RGPD8: variants seen among roughly 807,000 people sequenced by gnomAD.
RGPD8 encodes the protein RANBP2 like and GRIP domain containing 8, also known as RANBP2-like and GRIP domain-containing protein 8.
A neutral mutation model predicts 89.1 loss-of-function variants in RGPD8; 15 were observed. The ratio of observed to expected loss-of-function variants is 0.17; its 90% CI spans 0.11 to 0.26. RGPD8 has a LOEUF of 0.26. RGPD8 is among the 10% of genes least tolerant of loss of function. The probability of loss-of-function intolerance (pLI) is 1.00; values close to 1 mark genes in which losing one functional copy is unlikely to be tolerated. For missense variants in RGPD8, 178 were observed against 1,179.6 expected (o/e 0.15, Z 12.44); for synonymous variants, 62 against 420.9 (o/e 0.15, Z 10.44).
Position 112,413,648 on chromosome 2 carries a change from C to G in RGPD8, c.783-1022G>C, listed in dbSNP as rs1349357448. Among the ~76,000 whole-genome samples the G allele has an allele frequency of 5.1e-5, 7 of 138,054 alleles. 2 individuals are homozygous for G. The highest frequency in any genetic ancestry group is 2.0e-4 in the African/African-American group (7 of 34,460). 90.6% of individuals were successfully genotyped at this position (138,054 alleles called of 152,430 possible). ...TGAAGTTAAAATTACTTTTACAATA[C>G]CAAAAAAAATTTATATATTACATAC... On this transcript the variant is annotated intron_variant, in intron 6 of 22. Coordinates refer to ENST00000302558, the MANE Select transcript of RGPD8 (RefSeq NM_001164463.1).
intron 22 of RGPD8, among the ~76,000 whole-genome samples, chr2:112,372,955 C>G (rs144220082): frequency 2.2e-5 from 3 of 133,586 alleles, no homozygotes; most frequent in Non-Finnish European, 4.6e-5. Flanking sequence ...TTTTAGACCT[C>G]TGTGTATGTA....
Position 112,433,239 on chromosome 2 carries a change from G to A in RGPD8, c.72+143C>T, listed in dbSNP as rs1574032306. The A allele has an allele frequency of 1.0e-5, 10 of 962,134 alleles. 1 individual carries two copies. In the South Asian group the frequency reaches 1.5e-4, roughly 15 times the overall value. The allele number at this position is 962,134 out of a possible 1,614,324, so 59.6% of individuals were successfully genotyped here. ...GAGGCCGCCGCCGGGCCGGGTGGAGGCCGCCGCCTCAACAGAGCGCGCCAG... is the reference window on the plus strand; with the variant it reads ...GAGGCCGCCGCCGGGCCGGGTGGAGACCGCCGCCTCAACAGAGCGCGCCAG... On this transcript the variant is annotated intron_variant, in intron 1 of 22. Coordinates refer to ENST00000302558, the MANE Select transcript of RGPD8 (RefSeq NM_001164463.1).
chr2:112,429,602 G>A (rs1401115490), intron 1 of RGPD8, among the ~76,000 whole-genome samples: 2 of 151,978 alleles, frequency 1.3e-5, no homozygotes, highest in Non-Finnish European at 2.9e-5. Context: ...GGAAACAGAG[G>A]TAGGAGGATC....
rs770851673 is a variant in RGPD8 at position 112,422,633 on chromosome 2, T to C, written c.167A>G (p.Gln56Arg). Residue 56 changes from glutamine to arginine, a missense_variant, in exon 3 of 23, where the codon CAA becomes CGA. Gln to Arg is a conservative substitution (Grantham distance 43). Coordinates refer to ENST00000302558, the MANE Select transcript of RGPD8 (RefSeq NM_001164463.1). ...KKYICTYINV[Q>R]ERDPKAHRFL... ...TCTGTGAGCTTTGGGATCCCTCTCT[T>C]GCACATTAATGTAAGTACATATGTA... 2.5e-5 allele frequency: 40 copies of C among 1,604,992 alleles called. No homozygotes were observed. The highest frequency in any genetic ancestry group is 3.4e-5 in the Non-Finnish European group (40 of 1,177,438).
intron 20 of RGPD8, among the ~76,000 whole-genome samples, chr2:112,385,485 A>G (rs2104773645): frequency 8.6e-6 from 1 of 116,306 alleles, no homozygotes; most frequent in East Asian, 2.4e-4. Flanking sequence ...ATGGTAGCCT[A>G]GCCACATTCT....
Sources: gnomAD v4.1 joint callset for allele counts (sites outside exome capture counted in the v4.1 genomes callset) on GRCh38, gnomAD v4.1.1 for gene constraint, MANE v1.5 for transcripts, NCBI Gene and HGNC (gene_info 2026-07-23, HGNC 2026-07-21) for gene names.